SULT4A1: variants seen among roughly 807,000 people sequenced by gnomAD.
SULT4A1 encodes sulfotransferase family 4A member 1.
A neutral mutation model predicts 35.2 loss-of-function variants in SULT4A1; 11 were observed. The observed-to-expected ratio is 0.31, with a 90% CI of 0.20 to 0.52. The LOEUF (loss-of-function observed/expected upper bound fraction) is 0.52. Ranked by LOEUF, SULT4A1 falls within the 20% of genes least tolerant of loss-of-function variation. SULT4A1 has a pLI of 0.97. For synonymous variants in SULT4A1, 152 were observed against 151.8 expected, an observed-to-expected ratio of 1.00 and a Z score of -0.01; for missense variants, 271 against 383.7, an observed-to-expected ratio of 0.71 and a Z score of 2.45.
chr22:43,829,696 A>G (rs753877862), intron 5 of SULT4A1, among the ~76,000 whole-genome samples: 5 of 152,172 alleles, frequency 3.3e-5, no homozygotes, highest in Non-Finnish European at 7.3e-5. Flanking sequence ...ACCCTGCCCC[A>G]TTATTTTACC....
At chr22:43,860,685 A>G (rs2049456150) in intron 1 of SULT4A1, among the ~76,000 whole-genome samples, 1 of 148,020 alleles carries the variant, frequency 6.8e-6, no homozygotes, top group Admixed American at 6.9e-5. Flanking sequence ...GGAAAAGAAA[A>G]TATGAACTGG....
chr22:43,845,202 C>T, intron 1 of SULT4A1, among the ~76,000 whole-genome samples: 1 of 152,172 alleles, frequency 6.6e-6, no homozygotes, highest in Admixed American at 6.5e-5. Context: ...TCCTCATCTC[C>T]CCGCCCTGAA....
intron 1 of SULT4A1, among the ~76,000 whole-genome samples, chr22:43,859,379 C>G (rs2049440294): frequency 6.6e-6 from 1 of 152,264 alleles, no homozygotes; most frequent in South Asian, 2.1e-4. Context: ...CACTTCAGGA[C>G]TGGCCGGAAC....
In SULT4A1 at chr22:43,841,883, G is replaced by A; in HGVS notation, c.219C>T (p.Asp73=). The A allele has an allele frequency of 6.2e-7, 1 of 1,614,028 alleles. No individual in the cohort carries two copies. Among genetic ancestry groups the A allele is most frequent in the Non-Finnish European group, 8.5e-7 (1 of 1,179,914 alleles). The change falls in exon 2 of 7, where the codon GAC becomes GAT. Residue 73 remains aspartate (D), a synonymous_variant. Transcript: ENST00000330884. The stretch of plus-strand genomic sequence containing the variant: ...TGTTCATCAAGCCGATCTCATCGGG[G>A]TCAGCGCCCTGGCTCACCAAGTAGA... ...EVVYLVSQGA[D]PDEIGLMNID...
At chr22:43,841,127 C>A (rs547530477) in intron 2 of SULT4A1, among the ~76,000 whole-genome samples, 2 of 152,226 alleles carry the variant, frequency 1.3e-5, no homozygotes, top group African/African-American at 4.8e-5. Flanking sequence ...TGGTTCCGCA[C>A]GGACAAGGAG....
intron 4 of SULT4A1, among the ~76,000 whole-genome samples, chr22:43,834,226 G>C (rs907845287): frequency 5.9e-5 from 9 of 152,226 alleles, no homozygotes; most frequent in Non-Finnish European, 1.3e-4. Context: ...GAAAGCTGAA[G>C]ACGGGCAGGG....
chr22:43,859,706 C>T (rs965333128), intron 1 of SULT4A1, among the ~76,000 whole-genome samples: 2 of 152,240 alleles, frequency 1.3e-5, no homozygotes, highest in Admixed American at 6.5e-5. Flanking sequence ...GTCTGGATCA[C>T]GGTTTTACCT....
chr22:43,830,007 C>A lies in SULT4A1; in HGVS notation c.604-809G>T, dbSNP rs182948858. 5.2e-3 allele frequency among the ~76,000 whole-genome samples: 798 copies of A among 152,294 alleles called. 8 individuals are homozygous for A. Among genetic ancestry groups the A allele is most frequent in the Middle Eastern group, 0.031 (9 of 294 alleles). ...ACCTTAAAAGACAATGTTCTCTGAC[C>A]GCTGGTGTGGGAGTCAGCTGGTGTG... On this transcript the variant is annotated intron_variant, in intron 5 of 6. Coordinates refer to ENST00000330884, the MANE Select transcript of SULT4A1 (RefSeq NM_014351.4).
intron 1 of SULT4A1, among the ~76,000 whole-genome samples, chr22:43,850,787 C>G (rs966800890): frequency 1.3e-5 from 2 of 152,262 alleles, no homozygotes. Context: ...ATGTGAGGGA[C>G]AGTCTGGTCG....
At chr22:43,828,915 G>A in intron 6 of SULT4A1, 145 bp downstream of exon 6, 1 of 907,624 alleles carries the variant, frequency 1.1e-6, no homozygotes, top group Non-Finnish European at 1.6e-6. Context: ...AGCTAACAGA[G>A]CACAGGCCAT....
chr22:43,859,931 C>T (rs543388487), intron 1 of SULT4A1, among the ~76,000 whole-genome samples: 2 of 152,320 alleles, frequency 1.3e-5, no homozygotes, highest in African/African-American at 4.8e-5. Context: ...AGTCCTAACC[C>T]GCCATCTAAG....
chr22:43,841,138 A>G (rs1295066559), intron 2 of SULT4A1, among the ~76,000 whole-genome samples: 1 of 152,166 alleles, frequency 6.6e-6, no homozygotes, highest in Non-Finnish European at 1.5e-5. Context: ...GGACAAGGAG[A>G]GCAAAATGGC....
At chr22:43,861,197 G>A (rs2049464305) in intron 1 of SULT4A1, among the ~76,000 whole-genome samples, 1 of 152,156 alleles carries the variant, frequency 6.6e-6, no homozygotes, top group Admixed American at 6.5e-5. Flanking sequence ...AAGAATGTCA[G>A]AGACCTGCCC....
At position 43,841,029 on chromosome 22, in the gene SULT4A1, A is replaced by G. The variant is rs368165206; in HGVS notation, c.300+773T>C. On this transcript the variant is annotated intron_variant, in intron 2 of 6. Coordinates refer to ENST00000330884, the MANE Select transcript of SULT4A1 (RefSeq NM_014351.4). ...TTCCTGGGCTGAAAGGCCGGGCCTG[A>G]TGCTGTCAGTCACTGCTGCCCCCAA... Among the ~76,000 whole-genome samples, 54 of 152,322 alleles carry G rather than the reference A, an allele frequency of 3.5e-4. No homozygotes were observed. The East Asian group carries it at 7.5e-3, about 21-fold the overall frequency.
chr22:43,861,882 C>A (rs2269600), intron 1 of SULT4A1, among the ~76,000 whole-genome samples: 31,034 of 152,234 alleles, frequency 0.2, 3,798 homozygotes, highest in East Asian at 0.49. Context: ...ACACAGCCAG[C>A]CAGGTAAAGG....
intron 6 of SULT4A1, chr22:43,826,642 A>G (rs2063288936): frequency 3.0e-6 from 3 of 985,326 alleles, no homozygotes; most frequent in Admixed American, 6.1e-5. Flanking sequence ...AAAATCATTC[A>G]AAGTGCAGAA....
At chr22:43,835,063 C>T in intron 4 of SULT4A1, among the ~76,000 whole-genome samples, 1 of 126,670 alleles carries the variant, frequency 7.9e-6, no homozygotes, top group Non-Finnish European at 1.7e-5. Flanking sequence ...CCCGCGCCCC[C>T]ACCGCGGCCC....
At position 43,862,468 on chromosome 22, in the gene SULT4A1, A is replaced by T; in HGVS notation, c.-86T>A. The T allele has an allele frequency of 1.7e-6, 1 of 577,492 alleles. No homozygotes were observed. Among genetic ancestry groups the T allele is most frequent in the Non-Finnish European group, 2.1e-6 (1 of 473,982 alleles). 35.8% of individuals were successfully genotyped at this position (577,492 alleles called of 1,614,324 possible). A position where few individuals can be genotyped will look rare whatever the true frequency, so the allele number is the denominator to read the frequency against. On this transcript the variant is annotated 5_prime_UTR_variant, in exon 1 of 7. Transcript: ENST00000330884. ...CCGCGCCCGCGCCCGCGCCCCGCAC[A>T]CGCTCGCGCCCCACCGGCGCGCGGC... is the stretch of plus-strand genomic sequence containing the variant.
At chr22:43,851,282 C>CA (rs1187267659) in intron 1 of SULT4A1, among the ~76,000 whole-genome samples, 4 of 152,178 alleles carry the variant, frequency 2.6e-5, no homozygotes, top group African/African-American at 9.7e-5. Flanking sequence ...TCTTGACGCT[C>CA]AGAGGATACT....
Sources: allele counts gnomAD v4.1 joint callset (sites outside exome capture counted in the v4.1 genomes callset), GRCh38; gene constraint gnomAD v4.1.1; transcripts MANE v1.5; gene names NCBI Gene and HGNC (gene_info 2026-07-23, HGNC 2026-07-21).